SEMA3D: variants seen among roughly 807,000 people sequenced by gnomAD.
SEMA3D encodes the protein semaphorin 3D.
Under a neutral mutation model 100.1 loss-of-function variants are expected in SEMA3D, and 84 were observed. The observed-to-expected ratio is 0.84, with a 90% CI of 0.70 to 1.01. The LOEUF is 1.01. Among genes scored for constraint, SEMA3D ranks in the 50% least tolerant of loss-of-function variants. The pLI is 0.00. For missense variants in SEMA3D, 875 were observed against 934.1 expected (o/e 0.94, Z 0.82); for synonymous variants, 312 against 320.7 (o/e 0.97, Z 0.29).
At chr7:85,029,784 G>C in intron 12 of SEMA3D, 1 of 232,156 alleles carries the variant, frequency 4.3e-6, no homozygotes, top group Non-Finnish European at 8.6e-6. Context: ...CAGTTTTACG[G>C]TCGAGCTGCT....
the SEMA3D span, among the ~76,000 whole-genome samples, chr7:85,238,226 A>G: frequency 2.6e-5 from 4 of 152,130 alleles, no homozygotes; most frequent in African/African-American, 9.7e-5. Context: ...ACAGCTTATC[A>G]CTTCTTTCTT....
At chr7:85,151,477 A>T (rs1790384254) in intron 2 of SEMA3D, among the ~76,000 whole-genome samples, 1 of 152,076 alleles carries the variant, frequency 6.6e-6, no homozygotes, top group Admixed American at 6.6e-5. Flanking sequence ...AGTTCCAGAA[A>T]GAATATAGTT....
chr7:85,202,078 T>A, the SEMA3D span, among the ~76,000 whole-genome samples: 4 of 151,908 alleles, frequency 2.6e-5, no homozygotes, highest in South Asian at 8.3e-4. Context: ...ATTATTATAC[T>A]TTAAGTTTTA....
intron 3 of SEMA3D, among the ~76,000 whole-genome samples, chr7:85,099,012 C>CT (rs1387106544): frequency 1.3e-5 from 2 of 151,946 alleles, no homozygotes; most frequent in African/African-American, 4.8e-5. Context: ...ATAGCTCATC[C>CT]TTTATTAGTG....
chr7:85,027,080 A>G (rs1584533500), intron 12 of SEMA3D, among the ~76,000 whole-genome samples: 1 of 152,188 alleles, frequency 6.6e-6, no homozygotes, highest in Middle Eastern at 3.4e-3. Context: ...TGTAAAGCAA[A>G]ATCAGAAACC....
At chr7:85,040,564 A>G (rs1790830004) in intron 11 of SEMA3D, 109 bp downstream of exon 11, 2 of 633,596 alleles carry the variant, frequency 3.2e-6, no homozygotes, top group East Asian at 3.0e-5. Context: ...TGAAAAAAAA[A>G]GTTTACGATA....
At chr7:85,158,334 G>A (rs1225176625) in intron 1 of SEMA3D, among the ~76,000 whole-genome samples, 3 of 152,256 alleles carry the variant, frequency 2.0e-5, no homozygotes, top group East Asian at 1.9e-4. Context: ...ATGCATCCCT[G>A]AGGGGAGGCC....
chr7:85,157,504 T>C (rs1160713598), intron 1 of SEMA3D: 1 of 176,856 alleles, frequency 5.7e-6, no homozygotes, highest in Non-Finnish European at 1.1e-5. Flanking sequence ...ACACTTTATG[T>C]ATACTGTCTA....
intron 2 of SEMA3D, among the ~76,000 whole-genome samples, chr7:85,139,601 T>G (rs1789983299): frequency 1.3e-5 from 2 of 152,006 alleles, no homozygotes; most frequent in Non-Finnish European, 2.9e-5. Flanking sequence ...TCTAAAGAAG[T>G]GAATAAATAT....
chr7:85,157,720 C>G, intron 1 of SEMA3D: 1 of 745,174 alleles, frequency 1.3e-6, no homozygotes, highest in Non-Finnish European at 1.6e-6. Flanking sequence ...AGAGGTGTAG[C>G]TCTTCTCCTC....
At chr7:85,057,286 G>A (rs925409953) in intron 8 of SEMA3D, among the ~76,000 whole-genome samples, 4 of 152,078 alleles carry the variant, frequency 2.6e-5, no homozygotes, top group African/African-American at 9.7e-5. Context: ...GGTAACAGAT[G>A]CGTAATAGGA....
the SEMA3D span, among the ~76,000 whole-genome samples, chr7:85,211,700 T>C: frequency 6.6e-6 from 1 of 152,066 alleles, no homozygotes; most frequent in African/African-American, 2.4e-5. Flanking sequence ...CTCTTCTGCC[T>C]CTGTTTCCCC....
At chr7:85,068,077 CT>C in intron 7 of SEMA3D, 113 bp downstream of exon 7, 1 of 653,626 alleles carries the variant, frequency 1.5e-6, no homozygotes, top group Non-Finnish European at 2.7e-6. Context: ...AAACAAATCG[CT>C]TGTGGAAGAT....
chr7:85,145,009 G>A (rs1047524206), intron 2 of SEMA3D, among the ~76,000 whole-genome samples: 3 of 152,120 alleles, frequency 2.0e-5, no homozygotes, highest in Non-Finnish European at 4.4e-5. Flanking sequence ...TATAAAGCAC[G>A]GAGGAAAAAT....
rs1391923774 is a variant in SEMA3D at position 85,022,840 on chromosome 7, T to C, written c.1192-227A>G. 2.0e-5 allele frequency among the ~76,000 whole-genome samples: 3 copies of C among 151,946 alleles called. No homozygotes were observed. The East Asian group carries it at 5.8e-4, about 29-fold the overall frequency. ...TCTAAATTACCTCTGCATTTTATAA[T>C]GTTTCCATAGTGAATTCTTTTCTTA... On this transcript the variant is annotated intron_variant, in intron 12 of 18. Coordinates refer to ENST00000284136, the MANE Select transcript of SEMA3D (RefSeq NM_001384900.1).
chr7:85,000,920 C>G (rs1055892806), intron 18 of SEMA3D, among the ~76,000 whole-genome samples: 2 of 152,100 alleles, frequency 1.3e-5, no homozygotes, highest in African/African-American at 4.8e-5. Context: ...TGGAAGATTT[C>G]CCAGTTTACA....
intron 2 of SEMA3D, among the ~76,000 whole-genome samples, chr7:85,150,206 G>T (rs1176657323): frequency 6.6e-6 from 1 of 151,054 alleles, no homozygotes; most frequent in Non-Finnish European, 1.5e-5. Context: ...TTATTTAGTT[G>T]TTTGGCCTTA....
chr7:85,155,716 T>TG (rs1790574968), intron 1 of SEMA3D, among the ~76,000 whole-genome samples: 1 of 152,212 alleles, frequency 6.6e-6, no homozygotes, highest in Admixed American at 6.5e-5. Flanking sequence ...TTATTTCTAA[T>TG]GAGGGTTAGC....
At chr7:85,227,066 A>G in the SEMA3D span, among the ~76,000 whole-genome samples, 1 of 152,294 alleles carries the variant, frequency 6.6e-6, no homozygotes, top group South Asian at 2.1e-4. Context: ...TTGAAAAATG[A>G]TATTGAGTTA....
Sources: allele counts gnomAD v4.1 joint callset (sites outside exome capture counted in the v4.1 genomes callset), GRCh38; gene constraint gnomAD v4.1.1; transcripts MANE v1.5; gene names NCBI Gene and HGNC (gene_info 2026-07-23, HGNC 2026-07-21).